TMEM132B: variants seen among roughly 807,000 people sequenced by gnomAD.
The protein encoded by TMEM132B is transmembrane protein 132B.
A neutral mutation model predicts 90.8 loss-of-function variants in TMEM132B; 18 were observed. The observed-to-expected ratio is 0.20, with a 90% confidence interval of 0.14 to 0.29. The LOEUF (loss-of-function observed/expected upper bound fraction) is 0.29, where lower values mean the gene tolerates loss of function less well. TMEM132B is among the 10% of genes least tolerant of loss of function. TMEM132B has a pLI of 1.00. For synonymous variants in TMEM132B, 504 were observed against 523.3 expected, an observed-to-expected ratio of 0.96 and a Z score of 0.50; for missense variants, 1,096 against 1,326.8, an observed-to-expected ratio of 0.83 and a Z score of 2.70.
Position 125,393,435 on chromosome 12 carries a change from AAAC to A in TMEM132B, c.960-22080_960-22078del, listed in dbSNP as rs202125854. ...GGACAAATAGAGACGCAATACAAGAAAACAACAACAACAACAACCTGGTTTTGT... is the reference window on the plus strand; with the variant it reads ...GGACAAATAGAGACGCAATACAAGAAAACAACAACAACAACCTGGTTTTGT... On this transcript the variant is annotated intron_variant, in intron 2 of 8. Coordinates refer to ENST00000682704, the MANE Select transcript of TMEM132B (RefSeq NM_001366854.1). Among the ~76,000 whole-genome samples the A allele has an allele frequency of 4.3e-3, 660 of 152,230 alleles. 8 individuals are homozygous for A. The highest frequency in any genetic ancestry group is 0.014 in the African/African-American group (600 of 41,522).
intron 5 of TMEM132B, among the ~76,000 whole-genome samples, chr12:125,610,072 G>T (rs1386532041): frequency 2.7e-5 from 4 of 150,822 alleles, no homozygotes; most frequent in Non-Finnish European, 4.4e-5. Context: ...ATTTATATTT[G>T]TATATTGATC....
intron 3 of TMEM132B, among the ~76,000 whole-genome samples, chr12:125,508,377 G>A (rs1882897937): frequency 6.6e-6 from 1 of 152,222 alleles, no homozygotes; most frequent in African/African-American, 2.4e-5. Context: ...GGAGAGCCCA[G>A]TGTAATCCTT....
At position 125,325,187 on chromosome 12, in the gene TMEM132B, G is replaced by A. The variant is rs181807335; in HGVS notation, c.68-24265G>A. Among the ~76,000 whole-genome samples the A allele has an allele frequency of 1.3e-3, 198 of 152,288 alleles. 1 individual carries two copies. The highest frequency in any genetic ancestry group is 2.5e-3 in the Non-Finnish European group (167 of 68,020). ...GTTGCTTACATTTTTCACAGGCCCAGAACATATGGGTAAGGTAAAGACGCA... is the reference window on the plus strand; with the variant it reads ...GTTGCTTACATTTTTCACAGGCCCAAAACATATGGGTAAGGTAAAGACGCA... On this transcript the variant is annotated intron_variant, in intron 1 of 8. Transcript: ENST00000682704.
At chr12:125,451,612 C>A (rs1881152715) in intron 3 of TMEM132B, among the ~76,000 whole-genome samples, 2 of 146,984 alleles carry the variant, frequency 1.4e-5, no homozygotes, top group South Asian at 4.3e-4. Flanking sequence ...CCCTGTGGGT[C>A]CAGTTCTGTG....
chr12:125,593,599 C>T (rs902162572), intron 5 of TMEM132B, among the ~76,000 whole-genome samples: 1 of 152,100 alleles, frequency 6.6e-6, no homozygotes, highest in African/African-American at 2.4e-5. Context: ...CAATATGGCT[C>T]TAGGGTCCTC....
At chr12:125,293,475 G>C (rs117152559) in intron 1 of TMEM132B, among the ~76,000 whole-genome samples, 9,997 of 152,050 alleles carry the variant, frequency 0.066, 418 homozygotes, top group South Asian at 0.12. Context: ...ATAGGCCCCA[G>C]CGTCTATTGT....
At chr12:125,317,922 T>C (rs1391644081) in intron 1 of TMEM132B, among the ~76,000 whole-genome samples, 1 of 152,176 alleles carries the variant, frequency 6.6e-6, no homozygotes, top group Non-Finnish European at 1.5e-5. Context: ...TCTTAAAACA[T>C]TGTATGTAAT....
chr12:125,195,793 A>G (rs1044389952), intron 1 of TMEM132B, among the ~76,000 whole-genome samples: 1 of 151,996 alleles, frequency 6.6e-6, no homozygotes, highest in African/African-American at 2.4e-5. Flanking sequence ...TCTTGGGAAG[A>G]GTGTTCCAGG....
intron 4 of TMEM132B, among the ~76,000 whole-genome samples, chr12:125,528,245 C>T (rs1044893286): frequency 2.0e-5 from 3 of 152,042 alleles, no homozygotes; most frequent in African/African-American, 2.4e-5. Context: ...GCTTTATTTC[C>T]GTGGGTGGCT....
chr12:125,380,842 C>G (rs142248489), intron 2 of TMEM132B, among the ~76,000 whole-genome samples: 184 of 152,274 alleles, frequency 1.2e-3, no homozygotes, highest in South Asian at 2.3e-3. Context: ...GACCCTGATC[C>G]CTGGTTCTGA....
intron 1 of TMEM132B, among the ~76,000 whole-genome samples, chr12:125,225,774 A>G (rs1873666613): frequency 6.6e-6 from 1 of 152,112 alleles, no homozygotes; most frequent in African/African-American, 2.4e-5. Flanking sequence ...GCACATTCCC[A>G]TATATGCGCC....
At chr12:125,581,400 C>A (rs1327170257) in intron 4 of TMEM132B, among the ~76,000 whole-genome samples, 1 of 152,150 alleles carries the variant, frequency 6.6e-6, no homozygotes, top group African/African-American at 2.4e-5. Flanking sequence ...GATTCAGGAA[C>A]CTGGAAATCT....
intron 1 of TMEM132B, among the ~76,000 whole-genome samples, chr12:125,247,180 C>G (rs1478051442): frequency 6.6e-6 from 1 of 152,150 alleles, no homozygotes; most frequent in African/African-American, 2.4e-5. Context: ...TCCATAATCA[C>G]CCACCCCTTT....
intron 1 of TMEM132B, among the ~76,000 whole-genome samples, chr12:125,195,461 T>G (rs1238480123): frequency 7.6e-6 from 1 of 130,740 alleles, no homozygotes; most frequent in African/African-American, 2.9e-5. Flanking sequence ...TGCAGTGGAG[T>G]GATCTTGGCT....
At chr12:125,489,376 A>T (rs919978651) in intron 3 of TMEM132B, among the ~76,000 whole-genome samples, 3 of 151,870 alleles carry the variant, frequency 2.0e-5, no homozygotes, top group Non-Finnish European at 4.4e-5. Context: ...TTATTTAAAA[A>T]TTTTTACTTA....
At chr12:125,326,067 G>A (rs1025663442) in intron 1 of TMEM132B, among the ~76,000 whole-genome samples, 1 of 152,176 alleles carries the variant, frequency 6.6e-6, no homozygotes, top group Non-Finnish European at 1.5e-5. Flanking sequence ...CTCCTACCAC[G>A]CTGTTCACAG....
chr12:125,605,216 T>C (rs1440624571), intron 5 of TMEM132B, among the ~76,000 whole-genome samples: 1 of 152,214 alleles, frequency 6.6e-6, no homozygotes, highest in Non-Finnish European at 1.5e-5. Context: ...CTTTTTTCCC[T>C]TTCTTCCTGA....
At chr12:125,269,166 G>A (rs1874764505) in intron 1 of TMEM132B, among the ~76,000 whole-genome samples, 1 of 152,150 alleles carries the variant, frequency 6.6e-6, no homozygotes, top group Admixed American at 6.6e-5. Context: ...GCAGTTCATC[G>A]AGCAGACCTG....
At chr12:125,191,207 ATGGTGATGGGGAAGGGGTGGTGG>A (rs1216835140) in intron 1 of TMEM132B, among the ~76,000 whole-genome samples, 2 of 94,598 alleles carry the variant, frequency 2.1e-5, no homozygotes, top group African/African-American at 8.7e-5. Flanking sequence ...AGGGGTGGTG[ATGGTGATGGGGAAGGGGTGGTGG>A]TGGTGATGGT....
Sources: gnomAD v4.1 joint callset for allele counts (sites outside exome capture counted in the v4.1 genomes callset) on GRCh38, gnomAD v4.1.1 for gene constraint, MANE v1.5 for transcripts, NCBI Gene and HGNC (gene_info 2026-07-23, HGNC 2026-07-21) for gene names.